The following SENP6 variants were observed in gnomAD, a reference collection of about 807,000 sequenced individuals.
SENP6 encodes SUMO specific peptidase 6.
SENP6 carries 41 observed loss-of-function variants against 134.5 expected under a neutral mutation model. The observed-to-expected ratio is 0.30, with a 90% CI of 0.24 to 0.40. The LOEUF is 0.40. Among genes scored for constraint, SENP6 ranks in the 10% least tolerant of loss-of-function variants. SENP6 has a pLI of 1.00. For missense variants in SENP6, 1,248 were observed against 1,312.5 expected (o/e 0.95, Z 0.76); for synonymous variants, 395 against 429.8 (o/e 0.92, Z 1.00).
chr6:75,668,113 A>C (rs1772387592), intron 10 of SENP6, among the ~76,000 whole-genome samples: 1 of 152,170 alleles, frequency 6.6e-6, no homozygotes, highest in Non-Finnish European at 1.5e-5. Flanking sequence ...AGCAATCATA[A>C]GGATAATAGA....
chr6:75,690,818 C>T (rs1373856319), intron 16 of SENP6, among the ~76,000 whole-genome samples: 1 of 151,826 alleles, frequency 6.6e-6, no homozygotes, highest in Non-Finnish European at 1.5e-5. Context: ...GCCTCAGCCT[C>T]CTGAGTAGCT....
chr6:75,671,638 C>T (rs1253540779), intron 11 of SENP6, among the ~76,000 whole-genome samples: 1 of 152,100 alleles, frequency 6.6e-6, no homozygotes, highest in Non-Finnish European at 1.5e-5. Flanking sequence ...AGGAGAATTG[C>T]TTGAACCTGG....
chr6:75,644,014 G>A (rs1222637625), intron 6 of SENP6: 1 of 152,080 alleles, frequency 6.6e-6, no homozygotes, highest in Non-Finnish European at 1.5e-5. Context: ...GGCTGATTCT[G>A]GGGTTGTGAT....
At chr6:75,710,041 C>A (rs1216335599) in intron 20 of SENP6, among the ~76,000 whole-genome samples, 1 of 152,154 alleles carries the variant, frequency 6.6e-6, no homozygotes, top group African/African-American at 2.4e-5. Context: ...CTACCACCAC[C>A]AATACCCACC....
Position 75,715,678 on chromosome 6 carries a change from C to T in SENP6, c.*84C>T. 4.3e-6 allele frequency: 4 copies of T among 940,038 alleles called. No individual in the cohort carries two copies. In the East Asian group the frequency reaches 9.9e-5, roughly 23 times the overall value. 58.2% of individuals were successfully genotyped at this position (940,038 alleles called of 1,614,324 possible). On this transcript the variant is annotated 3_prime_UTR_variant, in exon 24 of 24. Coordinates refer to ENST00000447266, the MANE Select transcript of SENP6 (RefSeq NM_015571.4). ...ATAGACAATAAAGAACTGAAGTGCT[C>T]ACTACTCAGTGATTTGGAAATTTTG... is the stretch of plus-strand genomic sequence containing the variant.
At chr6:75,694,619 C>T (rs1672063376) in intron 16 of SENP6, among the ~76,000 whole-genome samples, 1 of 152,118 alleles carries the variant, frequency 6.6e-6, no homozygotes, top group Admixed American at 6.6e-5. Context: ...GTATTCTGAA[C>T]ATTTTGTACA....
intron 16 of SENP6, among the ~76,000 whole-genome samples, chr6:75,682,212 G>T (rs1320750452): frequency 6.6e-6 from 1 of 151,450 alleles, no homozygotes; most frequent in Non-Finnish European, 1.5e-5. Context: ...CTAAACAACA[G>T]AACTATAAAA....
intron 1 of SENP6, among the ~76,000 whole-genome samples, chr6:75,605,787 C>G (rs941540484): frequency 5.9e-5 from 9 of 151,810 alleles, no homozygotes; most frequent in African/African-American, 2.2e-4. Flanking sequence ...TATGGTTTAT[C>G]TTTTTTTAAA....
At chr6:75,696,962 C>T (rs1008239974) in intron 17 of SENP6, among the ~76,000 whole-genome samples, 3 of 152,128 alleles carry the variant, frequency 2.0e-5, no homozygotes, top group African/African-American at 7.2e-5. Flanking sequence ...CTTATTTCAG[C>T]AATTCCTAAT....
intron 3 of SENP6, among the ~76,000 whole-genome samples, chr6:75,625,701 T>A (rs1768632546): frequency 6.6e-6 from 1 of 152,122 alleles, no homozygotes; most frequent in Non-Finnish European, 1.5e-5. Context: ...AAACCTCGTC[T>A]CTACTAAAAA....
At chr6:75,666,411 T>C (rs902537351) in intron 9 of SENP6, among the ~76,000 whole-genome samples, 26 of 150,678 alleles carry the variant, frequency 1.7e-4, no homozygotes, top group African/African-American at 6.1e-4. Context: ...GTTCTTCTTG[T>C]AACTTGCTGA....
Position 75,677,042 on chromosome 6 carries a change from A to C in SENP6, c.1634A>C (p.Gln545Pro), listed in dbSNP as rs1199231612. The C allele has an allele frequency of 1.4e-6, 2 of 1,480,262 alleles. No homozygotes were observed. Among genetic ancestry groups the C allele is most frequent in the African/African-American group, 2.8e-5 (2 of 71,060 alleles). 91.7% of individuals were successfully genotyped at this position (1,480,262 alleles called of 1,614,324 possible). ...GVNKLTNLEE[Q>P]YIILIFQNGL... ...TATTTCTTTTCAGATTTAGAAGAAC[A>C]ATATATAATTTTAATTTTTCAAAAT... The change falls in exon 14 of 24, where the codon CAA (glutamine) becomes CCA (proline). Residue 545 changes from glutamine (Q) to proline (P), a missense_variant. Coordinates refer to ENST00000447266, the MANE Select transcript of SENP6 (RefSeq NM_015571.4).
At chr6:75,674,737 A>G (rs1293691601) in intron 11 of SENP6, among the ~76,000 whole-genome samples, 1 of 152,242 alleles carries the variant, frequency 6.6e-6, no homozygotes, top group African/African-American at 2.4e-5. Context: ...TAATTATTGT[A>G]GTAATTGCTA....
intron 3 of SENP6, among the ~76,000 whole-genome samples, chr6:75,632,143 A>G (rs1312577887): frequency 6.6e-6 from 1 of 152,240 alleles, no homozygotes; most frequent in Non-Finnish European, 1.5e-5. Flanking sequence ...TTTATGAATT[A>G]GTATGTACTT....
At chr6:75,706,845 TAAC>T (rs1331683357) in intron 19 of SENP6, among the ~76,000 whole-genome samples, 3 of 152,172 alleles carry the variant, frequency 2.0e-5, no homozygotes, top group Admixed American at 1.3e-4. Flanking sequence ...ACTAGGGAAA[TAAC>T]AATGTGTGGA....
chr6:75,643,614 CG>C (rs1770198341), intron 6 of SENP6, among the ~76,000 whole-genome samples: 1 of 152,072 alleles, frequency 6.6e-6, no homozygotes, highest in South Asian at 2.1e-4. Flanking sequence ...CCCAGCTACT[CG>C]GGAGGTTGAG....
chr6:75,675,734 AAT>A, intron 12 of SENP6, 124 bp from the exon 13 acceptor site: 3 of 939,488 alleles, frequency 3.2e-6, no homozygotes, highest in East Asian at 2.6e-5. Flanking sequence ...CCACAAGAGT[AAT>A]GATTTATAGA....
At chr6:75,647,865 A>C in intron 7 of SENP6, 64 bp downstream of exon 7, 1 of 1,235,948 alleles carries the variant, frequency 8.1e-7, no homozygotes, top group Non-Finnish European at 1.2e-6. Flanking sequence ...AGTACAATGG[A>C]GATACGATGC....
rs1358451303 is a variant in SENP6, at chr6:75,601,891, C to G, written c.-634C>G. On this transcript the variant is annotated 5_prime_UTR_variant, in exon 1 of 24. Transcript: ENST00000447266. Reference sequence around the variant, plus strand: ...GGGGGAGGAGCGGCAGCGGCGGCGGCTGGAGCTGCTGTGGCGACCGACGCG... The same window carrying G: ...GGGGGAGGAGCGGCAGCGGCGGCGGGTGGAGCTGCTGTGGCGACCGACGCG... 1 of 152,278 alleles carries G rather than the reference C, an allele frequency of 6.6e-6. No individual in the cohort carries two copies. The highest frequency in any genetic ancestry group is 2.0e-4 in the South Asian group (1 of 5,044). The allele number at this position is 152,278 out of a possible 1,614,324, so 9.4% of individuals were successfully genotyped here. A position where few individuals can be genotyped will look rare whatever the true frequency, so the allele number is the denominator to read the frequency against.
Sources: gnomAD v4.1 joint callset for allele counts (sites outside exome capture counted in the v4.1 genomes callset) on GRCh38, gnomAD v4.1.1 for gene constraint, MANE v1.5 for transcripts, NCBI Gene and HGNC (gene_info 2026-07-23, HGNC 2026-07-21) for gene names.